Variants in ZNF236 observed in about 807,000 individuals in gnomAD.
ZNF236 encodes the protein regulated by glucose.
A neutral mutation model predicts 191.2 loss-of-function variants in ZNF236; 50 were observed. That is an observed-to-expected ratio of 0.26 (90% CI 0.21 to 0.33). The LOEUF is 0.33. Ranked by LOEUF, ZNF236 falls within the 10% of genes least tolerant of loss-of-function variation. ZNF236 has a pLI of 1.00. For missense variants in ZNF236, 1,754 were observed against 2,374.5 expected, an observed-to-expected ratio of 0.74 and a Z score of 5.43; for synonymous variants, 907 against 928.8, an observed-to-expected ratio of 0.98 and a Z score of 0.43.
Position 76,968,310 on chromosome 18 carries a change from G to C in ZNF236, c.5515G>C (p.Glu1839Gln), listed in dbSNP as rs761914748. 38 of 1,608,906 alleles carry C rather than the reference G, an allele frequency of 2.4e-5. No individual in the cohort carries two copies. Among genetic ancestry groups the C allele is most frequent in the East Asian group, 4.5e-5 (2 of 44,854 alleles). The change falls in exon 31 of 31, where the codon GAG becomes CAG. Residue 1839 changes from glutamate (E) to glutamine (Q), a missense_variant. This residue lies in a region of ZNF236 where 606 missense variants were observed against 761.5 expected (regional missense o/e 0.80). Coordinates refer to ENST00000320610, the MANE Select transcript of ZNF236 (RefSeq NM_001306089.2). Reference sequence around the variant, plus strand: ...GGAGGTGGTGCAGGAGGCCGCCGGCGAGTGGCAGGCCCTCACCCACGTCTT... The same window carrying C: ...GGAGGTGGTGCAGGAGGCCGCCGGCCAGTGGCAGGCCCTCACCCACGTCTT... ...LEEVVQEAAG[E>Q]WQALTHVF
At chr18:76,910,523 A>C in intron 15 of ZNF236, 137 bp from the exon 16 acceptor site, 1 of 835,542 alleles carries the variant, frequency 1.2e-6, no homozygotes, top group Non-Finnish European at 1.8e-6. Context: ...AAAGCTTGCT[A>C]ATAGCAGCTA....
At chr18:76,829,838 T>C (rs922541933) in intron 1 of ZNF236, among the ~76,000 whole-genome samples, 1 of 152,118 alleles carries the variant, frequency 6.6e-6, no homozygotes, top group Non-Finnish European at 1.5e-5. Flanking sequence ...CTGTCCTGGC[T>C]TCTGATACGA....
chr18:76,844,524 A>C (rs1975619792), intron 1 of ZNF236, among the ~76,000 whole-genome samples: 1 of 152,232 alleles, frequency 6.6e-6, no homozygotes, highest in African/African-American at 2.4e-5. Context: ...ATGTAAAAAC[A>C]AAAACATAAA....
chr18:76,944,139 C>T (rs1478236118), intron 26 of ZNF236, among the ~76,000 whole-genome samples: 5 of 152,324 alleles, frequency 3.3e-5, no homozygotes, highest in Middle Eastern at 6.8e-3. Flanking sequence ...ATGGGTGGGG[C>T]TGGCGTCTGT....
Position 76,915,852 on chromosome 18 carries a change from A to G in ZNF236, c.3267A>G (p.Glu1089=), listed in dbSNP as rs1967348208. The G allele has an allele frequency of 6.2e-7, 1 of 1,611,836 alleles. No homozygotes were observed. The change falls in exon 19 of 31, where the codon GAA becomes GAG. Residue 1089 remains glutamate (E), a synonymous_variant. Coordinates refer to ENST00000320610, the MANE Select transcript of ZNF236 (RefSeq NM_001306089.2). The part of the protein sequence containing the change: ...PSAVSATGET[E]GGDICMEEEE... ...CTGTGTCAGCCACTGGAGAGACAGA[A>G]GGAGGAGGTATTTTCCATTTGTTGA... is the stretch of plus-strand genomic sequence containing the variant.
In ZNF236 at chr18:76,904,532, G is replaced by A. The variant is rs138365987; in HGVS notation, c.2036+11G>A. On this transcript the variant is annotated intron_variant, in intron 12 of 30. Coordinates refer to ENST00000320610, the MANE Select transcript of ZNF236 (RefSeq NM_001306089.2). Reference sequence around the variant, plus strand: ...TAAACAACACATCAGGTAAGGTAACGGATTCACAGATGGAAATTTAGTATA... The same window carrying A: ...TAAACAACACATCAGGTAAGGTAACAGATTCACAGATGGAAATTTAGTATA... 5,364 of 1,563,772 alleles carry A rather than the reference G, an allele frequency of 3.4e-3. 16 individuals are homozygous for A. Among genetic ancestry groups the A allele is most frequent in the Middle Eastern group, 0.012 (70 of 5,864 alleles).
intron 11 of ZNF236, among the ~76,000 whole-genome samples, chr18:76,903,080 G>C (rs1454687046): frequency 3.3e-5 from 5 of 152,138 alleles, no homozygotes; most frequent in Non-Finnish European, 4.4e-5. Context: ...CACAAGGGAG[G>C]GTTCTGAATA....
chr18:76,882,269 C>T (rs1047524360), intron 9 of ZNF236, among the ~76,000 whole-genome samples: 1 of 152,206 alleles, frequency 6.6e-6, no homozygotes, highest in Non-Finnish European at 1.5e-5. Flanking sequence ...ATTCAAGCAT[C>T]TTCAGTGCTC....
chr18:76,852,188 T>G (rs886127105), intron 3 of ZNF236, among the ~76,000 whole-genome samples: 5 of 152,212 alleles, frequency 3.3e-5, no homozygotes, highest in Non-Finnish European at 5.9e-5. Context: ...TATATCCACA[T>G]TGGCTGGCAG....
At chr18:76,953,853 T>G (rs1401395277) in intron 27 of ZNF236, among the ~76,000 whole-genome samples, 1 of 152,150 alleles carries the variant, frequency 6.6e-6, no homozygotes, top group Non-Finnish European at 1.5e-5. Context: ...CCGGGCTCAT[T>G]AGGAGGTGGA....
At chr18:76,952,871 T>C (rs187732917) in intron 27 of ZNF236, among the ~76,000 whole-genome samples, 90 of 152,230 alleles carry the variant, frequency 5.9e-4, no homozygotes, top group African/African-American at 1.8e-3. Flanking sequence ...GACTACCTCA[T>C]AGTGGTCAGA....
intron 27 of ZNF236, among the ~76,000 whole-genome samples, chr18:76,954,386 G>A (rs898402701): frequency 2.0e-5 from 3 of 152,172 alleles, no homozygotes; most frequent in Non-Finnish European, 2.9e-5. Context: ...TACTGATGGA[G>A]GACATTAGGT....
intron 10 of ZNF236, among the ~76,000 whole-genome samples, chr18:76,898,706 A>C (rs1299394429): frequency 2.6e-5 from 4 of 152,202 alleles, no homozygotes; most frequent in African/African-American, 9.7e-5. Context: ...TGGTGACTTA[A>C]GAGAGAGAGC....
At chr18:76,848,460 CTTTAT>C (rs1192590686) in intron 1 of ZNF236, among the ~76,000 whole-genome samples, 1 of 152,138 alleles carries the variant, frequency 6.6e-6, no homozygotes, top group Non-Finnish European at 1.5e-5. Context: ...TTTAGGGCAT[CTTTAT>C]TTTACGGCAT....
intron 21 of ZNF236, among the ~76,000 whole-genome samples, chr18:76,924,663 C>A (rs924528534): frequency 6.6e-6 from 1 of 152,198 alleles, no homozygotes; most frequent in African/African-American, 2.4e-5. Flanking sequence ...GCCTAAGGAA[C>A]TAGGTACATG....
intron 10 of ZNF236, chr18:76,898,155 G>A (rs1355138154): frequency 6.6e-6 from 1 of 152,072 alleles, no homozygotes; most frequent in African/African-American, 2.4e-5. Flanking sequence ...GGAGGACCGG[G>A]GACCTGTTTG....
At chr18:76,923,234 G>C in intron 21 of ZNF236, 60 bp downstream of exon 21, 1 of 1,194,218 alleles carries the variant, frequency 8.4e-7, no homozygotes, top group Non-Finnish European at 1.2e-6. Flanking sequence ...CGTATGTTTT[G>C]TTCCTATATA....
intron 26 of ZNF236, among the ~76,000 whole-genome samples, chr18:76,943,548 AC>A (rs1237715627): frequency 1.3e-5 from 2 of 152,260 alleles, no homozygotes; most frequent in Admixed American, 6.5e-5. Flanking sequence ...TCATAAAAAA[AC>A]AAACTTATTA....
chr18:76,873,331 G>A (rs1976628742), intron 5 of ZNF236, among the ~76,000 whole-genome samples: 1 of 152,196 alleles, frequency 6.6e-6, no homozygotes, highest in Admixed American at 6.5e-5. Flanking sequence ...CTCACTCCTA[G>A]AGAGACACAT....
Sources: allele counts gnomAD v4.1 joint callset (sites outside exome capture counted in the v4.1 genomes callset), GRCh38; gene constraint gnomAD v4.1.1; regional missense constraint gnomAD v4.1.1; transcripts MANE v1.5; gene names NCBI Gene and HGNC (gene_info 2026-07-23, HGNC 2026-07-21).